Variants in CRPPA observed in about 807,000 individuals in gnomAD.
CRPPA encodes the protein CDP-L-ribitol pyrophosphorylase A.
In CRPPA, 43 loss-of-function variants were observed where a neutral mutation model predicts 52.0. That is an observed-to-expected ratio of 0.83 (90% CI 0.65 to 1.07). The LOEUF is 1.07. Ranked by LOEUF, CRPPA falls within the 50% of genes least tolerant of loss-of-function variation. The probability of loss-of-function intolerance (pLI) is 0.00; values close to 1 mark genes in which losing one functional copy is unlikely to be tolerated. For synonymous variants in CRPPA, 250 were observed against 203.5 expected (o/e 1.23, Z -1.94); for missense variants, 629 against 551.7 (o/e 1.14, Z -1.40).
intron 9 of CRPPA, among the ~76,000 whole-genome samples, chr7:16,148,572 G>T (rs1783018018): frequency 6.6e-6 from 1 of 152,102 alleles, no homozygotes; most frequent in Non-Finnish European, 1.5e-5. Context: ...ACTTGTAAGT[G>T]AGAGCTAAAA....
intron 8 of CRPPA, among the ~76,000 whole-genome samples, chr7:16,250,386 A>G (rs1783412899): frequency 6.6e-6 from 1 of 152,180 alleles, no homozygotes; most frequent in Admixed American, 6.5e-5. Context: ...CCACAAACGT[A>G]TTCCTCGAAA....
intron 9 of CRPPA, among the ~76,000 whole-genome samples, chr7:16,128,323 T>A (rs1782619170): frequency 6.6e-6 from 1 of 152,176 alleles, no homozygotes; most frequent in Non-Finnish European, 1.5e-5. Context: ...AATAAAGATG[T>A]AATTTTATAA....
At chr7:16,093,456 A>T (rs1256090727) in intron 9 of CRPPA, among the ~76,000 whole-genome samples, 1 of 152,170 alleles carries the variant, frequency 6.6e-6, no homozygotes, top group East Asian at 1.9e-4. Context: ...CTCAGCTATG[A>T]GGATGACGGT....
At chr7:16,339,034 T>C (rs1005010649) in intron 3 of CRPPA, among the ~76,000 whole-genome samples, 3 of 151,952 alleles carry the variant, frequency 2.0e-5, no homozygotes, top group Non-Finnish European at 4.4e-5. Context: ...CTCGATCTCC[T>C]GACCTCGTGA....
At chr7:16,399,490 ATG>A (rs1172791324) in intron 2 of CRPPA, among the ~76,000 whole-genome samples, 1 of 130,196 alleles carries the variant, frequency 7.7e-6, no homozygotes, top group Non-Finnish European at 1.6e-5. Flanking sequence ...TGATCAACAC[ATG>A]TGACTCGTGA....
At chr7:16,126,782 C>G (rs1009868496) in intron 9 of CRPPA, among the ~76,000 whole-genome samples, 1 of 151,958 alleles carries the variant, frequency 6.6e-6, no homozygotes, top group Non-Finnish European at 1.5e-5. Context: ...ATACAGATGA[C>G]AGATACAAGA....
intron 6 of CRPPA, among the ~76,000 whole-genome samples, chr7:16,261,297 CA>C (rs1410826863): frequency 6.6e-6 from 1 of 152,050 alleles, no homozygotes; most frequent in Non-Finnish European, 1.5e-5. Flanking sequence ...AGGATAAAGA[CA>C]CTGCACTCTT....
chr7:16,385,043 AG>A (rs1455167935), intron 2 of CRPPA, among the ~76,000 whole-genome samples: 1 of 152,230 alleles, frequency 6.6e-6, no homozygotes, highest in Non-Finnish European at 1.5e-5. Flanking sequence ...ACATTTATAA[AG>A]GAGCTCAGTG....
intron 2 of CRPPA, among the ~76,000 whole-genome samples, chr7:16,385,723 T>C (rs1293480044): frequency 1.3e-5 from 2 of 152,196 alleles, no homozygotes; most frequent in African/African-American, 4.8e-5. Context: ...TATAAATGTA[T>C]GTTTCTCTTT....
intron 3 of CRPPA, among the ~76,000 whole-genome samples, chr7:16,361,800 C>T (rs562815679): frequency 3.9e-5 from 6 of 152,078 alleles, no homozygotes; most frequent in Non-Finnish European, 7.4e-5. Context: ...CTGAACCACA[C>T]GCTTAATAAT....
intron 5 of CRPPA, among the ~76,000 whole-genome samples, chr7:16,286,663 G>C (rs969972941): frequency 6.6e-6 from 1 of 152,070 alleles, no homozygotes; most frequent in African/African-American, 2.4e-5. Context: ...GATGTATTTT[G>C]GTGTGTATGT....
chr7:16,278,971 T>G (rs1015017102), intron 5 of CRPPA, among the ~76,000 whole-genome samples: 5 of 152,182 alleles, frequency 3.3e-5, no homozygotes, highest in Admixed American at 6.5e-5. Flanking sequence ...TGGGCTGAAA[T>G]CTGAGTAGAA....
intron 2 of CRPPA, among the ~76,000 whole-genome samples, chr7:16,387,064 T>TATATATATATATACACAC (rs1787296240): frequency 1.4e-5 from 1 of 73,984 alleles, no homozygotes; most frequent in Admixed American, 1.4e-4. Context: ...TATATATATA[T>TATATATATATATACACAC]ATATATATAT....
intron 9 of CRPPA, among the ~76,000 whole-genome samples, chr7:16,107,707 T>C (rs1030705474): frequency 6.6e-6 from 1 of 152,052 alleles, no homozygotes; most frequent in African/African-American, 2.4e-5. Context: ...AAAACAGTCA[T>C]ATTCAGAATA....
At chr7:16,336,625 G>A (rs886686268) in intron 3 of CRPPA, among the ~76,000 whole-genome samples, 2 of 150,004 alleles carry the variant, frequency 1.3e-5, no homozygotes, top group African/African-American at 4.9e-5. Flanking sequence ...AACTGGCAGT[G>A]GCAAATCCCT....
intron 1 of CRPPA, among the ~76,000 whole-genome samples, chr7:16,416,904 C>T (rs975303211): frequency 6.6e-6 from 1 of 152,096 alleles, no homozygotes. Context: ...TTTTTGCACT[C>T]TCAAGCAAAG....
chr7:16,333,985 T>A (rs1238112121), intron 3 of CRPPA, among the ~76,000 whole-genome samples: 1 of 152,112 alleles, frequency 6.6e-6, no homozygotes. Flanking sequence ...CTAGGACTCT[T>A]CACAGGGGCT....
chr7:16,154,167 T>C (rs1376838808), intron 9 of CRPPA, among the ~76,000 whole-genome samples: 1 of 151,884 alleles, frequency 6.6e-6, no homozygotes, highest in Non-Finnish European at 1.5e-5. Flanking sequence ...AATGCAGTTT[T>C]TGTTTCAAGA....
intron 3 of CRPPA, among the ~76,000 whole-genome samples, chr7:16,337,069 G>A (rs976341602): frequency 4.6e-5 from 7 of 152,032 alleles, no homozygotes; most frequent in South Asian, 4.2e-4. Context: ...AAAATGGACC[G>A]ACCATTGAGA....
Sources: allele counts gnomAD v4.1 joint callset (sites outside exome capture counted in the v4.1 genomes callset), GRCh38; gene constraint gnomAD v4.1.1; transcripts MANE v1.5; gene names NCBI Gene and HGNC (gene_info 2026-07-23, HGNC 2026-07-21).